Variants in LARGE1 observed in about 807,000 individuals in gnomAD.
LARGE1 encodes the protein LARGE xylosyl- and glucuronyltransferase 1.
LARGE1 carries 43 observed loss-of-function variants against 87.6 expected under a neutral mutation model. The observed-to-expected ratio is 0.49, with a 90% CI of 0.38 to 0.63. The LOEUF (loss-of-function observed/expected upper bound fraction) is 0.63. Ranked by LOEUF, LARGE1 falls within the 30% of genes least tolerant of loss-of-function variation. The probability of loss-of-function intolerance (pLI) is 0.00; values close to 1 mark genes in which losing one functional copy is unlikely to be tolerated. For synonymous variants in LARGE1, 434 were observed against 394.6 expected, an observed-to-expected ratio of 1.10 and a Z score of -1.18; for missense variants, 802 against 1,000.2, an observed-to-expected ratio of 0.80 and a Z score of 2.67.
At chr22:33,153,871 GC>G in the LARGE1 span, among the ~76,000 whole-genome samples, 2 of 152,114 alleles carry the variant, frequency 1.3e-5, no homozygotes, top group African/African-American at 4.8e-5. Flanking sequence ...CAGGGGACTG[GC>G]GGTCCCAAAT....
At chr22:33,346,338 T>C (rs913406665) in intron 9 of LARGE1, among the ~76,000 whole-genome samples, 1 of 151,422 alleles carries the variant, frequency 6.6e-6, no homozygotes, top group South Asian at 2.1e-4. Flanking sequence ...GTCTCAATCT[T>C]GTCACCCAGG....
chr22:33,697,471 C>T (rs573429874), intron 2 of LARGE1, among the ~76,000 whole-genome samples: 9 of 138,422 alleles, frequency 6.5e-5, no homozygotes, highest in East Asian at 2.3e-4. Flanking sequence ...CCAAGGCGGG[C>T]GGATCACGAG....
chr22:33,228,912 A>G (rs1052235184), intron 11 of LARGE1, among the ~76,000 whole-genome samples: 1 of 152,176 alleles, frequency 6.6e-6, no homozygotes, highest in African/African-American at 2.4e-5. Flanking sequence ...AACAAGTTGT[A>G]ACACAGACCC....
At chr22:33,571,912 C>T (rs1209245219) in intron 5 of LARGE1, among the ~76,000 whole-genome samples, 3 of 152,182 alleles carry the variant, frequency 2.0e-5, no homozygotes, top group Non-Finnish European at 2.9e-5. Context: ...TGAGCCTCTG[C>T]CTCCCTCCAG....
rs73170599 is a variant in LARGE1, at chr22:33,802,520, T to G, written c.-82-40962A>C. Among the ~76,000 whole-genome samples, 557 of 152,288 alleles carry G rather than the reference T, an allele frequency of 3.7e-3. 3 individuals are homozygous for G. Among genetic ancestry groups the G allele is most frequent in the Non-Finnish European group, 6.9e-3 (467 of 68,028 alleles). Reference sequence around the variant, plus strand: ...TATTTTAAATTAACCTTCGGGGAACTCACAGGAGGAGGTTTTCTTCCCCGT... The same window carrying G: ...TATTTTAAATTAACCTTCGGGGAACGCACAGGAGGAGGTTTTCTTCCCCGT... On this transcript the variant is annotated intron_variant, in intron 1 of 14. Transcript: ENST00000397394.
chr22:33,147,869 A>G, the LARGE1 span, among the ~76,000 whole-genome samples: 1 of 152,218 alleles, frequency 6.6e-6, no homozygotes, highest in Non-Finnish European at 1.5e-5. Context: ...AAAGTAACAA[A>G]GCAAATCTAT....
chr22:33,741,791 C>A (rs1451180097), intron 2 of LARGE1, among the ~76,000 whole-genome samples: 1 of 152,214 alleles, frequency 6.6e-6, no homozygotes, highest in Non-Finnish European at 1.5e-5. Context: ...CCTGCAATCA[C>A]CTTGCAAGAA....
At chr22:33,819,799 C>A (rs903982609) in intron 1 of LARGE1, among the ~76,000 whole-genome samples, 1 of 152,184 alleles carries the variant, frequency 6.6e-6, no homozygotes. Context: ...AGTTTCTTCT[C>A]CTATACTCTG....
intron 11 of LARGE1, among the ~76,000 whole-genome samples, chr22:33,219,282 C>A (rs1349355749): frequency 6.6e-6 from 1 of 152,186 alleles, no homozygotes. Context: ...GAAGCCTGCA[C>A]TTTTCACCAC....
In LARGE1 at chr22:33,850,328, G is replaced by T. The variant is rs144305328; in HGVS notation, c.-83+69667C>A. ...TAGCTCTCATATCCTAGGATTATCT[G>T]CAAGGAAACCAGGGAGCAGAGTCTT... On this transcript the variant is annotated intron_variant, in intron 1 of 14. Transcript: ENST00000397394. Among the ~76,000 whole-genome samples the T allele has an allele frequency of 1.9e-3, 282 of 152,226 alleles. 1 individual carries two copies. The highest frequency in any genetic ancestry group is 6.4e-3 in the African/African-American group (265 of 41,542).
At chr22:33,836,011 C>T (rs1274602783) in intron 1 of LARGE1, among the ~76,000 whole-genome samples, 1 of 152,186 alleles carries the variant, frequency 6.6e-6, no homozygotes. Flanking sequence ...ATTTTGCATT[C>T]AAAATTCTGT....
At chr22:33,672,717 T>C (rs2081453299) in intron 2 of LARGE1, among the ~76,000 whole-genome samples, 1 of 152,224 alleles carries the variant, frequency 6.6e-6, no homozygotes, top group Admixed American at 6.5e-5. Flanking sequence ...AAAAACTCAA[T>C]GCTAGAAATA....
the LARGE1 span, among the ~76,000 whole-genome samples, chr22:33,155,533 G>A: frequency 6.6e-6 from 1 of 152,090 alleles, no homozygotes; most frequent in Non-Finnish European, 1.5e-5. Context: ...TAGGGTTTCT[G>A]GTGGAAGAAA....
intron 1 of LARGE1, among the ~76,000 whole-genome samples, chr22:33,775,056 CATTT>C (rs949082636): frequency 2.6e-5 from 4 of 152,140 alleles, no homozygotes; most frequent in Non-Finnish European, 4.4e-5. Flanking sequence ...AAGAAGAAAA[CATTT>C]ATTGGGCAAC....
At chr22:33,089,210 C>A in the LARGE1 span, among the ~76,000 whole-genome samples, 3 of 152,248 alleles carry the variant, frequency 2.0e-5, no homozygotes, top group African/African-American at 7.2e-5. Flanking sequence ...AAATCCACCT[C>A]ACAGCTGAAT....
chr22:33,475,191 G>A (rs750391078), intron 6 of LARGE1, among the ~76,000 whole-genome samples: 3 of 151,992 alleles, frequency 2.0e-5, no homozygotes, highest in African/African-American at 4.8e-5. Context: ...TGAATACTGG[G>A]GTGGGACTAC....
intron 1 of LARGE1, among the ~76,000 whole-genome samples, chr22:33,908,611 T>C (rs1437374162): frequency 6.6e-6 from 1 of 152,064 alleles, no homozygotes; most frequent in African/African-American, 2.4e-5. Flanking sequence ...GCTTTGTGCG[T>C]CCCAATATGA....
At chr22:33,786,684 C>T (rs577072782) in intron 1 of LARGE1, among the ~76,000 whole-genome samples, 1 of 152,272 alleles carries the variant, frequency 6.6e-6, no homozygotes, top group Admixed American at 6.5e-5. Context: ...AAGAGCCTTC[C>T]TCAGTACCAA....
At chr22:33,859,872 G>A (rs2063862292) in intron 1 of LARGE1, among the ~76,000 whole-genome samples, 1 of 152,168 alleles carries the variant, frequency 6.6e-6, no homozygotes, top group Non-Finnish European at 1.5e-5. Context: ...AAATACGCCA[G>A]TCACAAAACA....
Sources: gnomAD v4.1 joint callset for allele counts (sites outside exome capture counted in the v4.1 genomes callset) on GRCh38, gnomAD v4.1.1 for gene constraint, MANE v1.5 for transcripts, NCBI Gene and HGNC (gene_info 2026-07-23, HGNC 2026-07-21) for gene names.